The following PLK3 variants were observed in gnomAD, a reference collection of about 807,000 sequenced individuals.
The protein encoded by PLK3 is polo like kinase 3.
Under a neutral mutation model 71.6 loss-of-function variants are expected in PLK3, and 41 were observed. That is an observed-to-expected ratio of 0.57 (90% CI 0.45 to 0.74). The LOEUF (loss-of-function observed/expected upper bound fraction) is 0.74. PLK3 is among the 30% of genes least tolerant of loss of function. The pLI is 0.00. For missense variants in PLK3, 791 were observed against 875.6 expected, an observed-to-expected ratio of 0.90 and a Z score of 1.22; for synonymous variants, 366 against 355.4, an observed-to-expected ratio of 1.03 and a Z score of -0.33.
chr1:44,802,080 T>G, intron 5 of PLK3, 148 bp downstream of exon 5: 1 of 671,972 alleles, frequency 1.5e-6, no homozygotes. Context: ...TGTGTGAAGG[T>G]GGAGGTGGCA....
chr1:44,801,201 GTC>G, intron 3 of PLK3, 49 bp downstream of exon 3: 9 of 563,834 alleles, frequency 1.6e-5, no homozygotes, highest in Admixed American at 3.2e-5. Flanking sequence ...AGAGAAGACA[GTC>G]TTTTTTTTTT....
intron 12 of PLK3, 27 bp from the exon 13 acceptor site, chr1:44,804,623 C>T (rs1323126229): frequency 6.2e-7 from 1 of 1,610,420 alleles, no homozygotes; most frequent in Non-Finnish European, 8.5e-7. Flanking sequence ...TGCAGGGCTC[C>T]CTCTGACCTC....
rs780263122 is a variant in PLK3 at position 44,801,088 on chromosome 1, G to A, written c.371G>A (p.Arg124His). ...HRDLQHRHIV[R>H]FSHHFEDADN... ...GACCTGCAGCACCGCCACATCGTGC[G>A]TTTTTCGCACCACTTTGAGGACGCT... is the stretch of plus-strand genomic sequence containing the variant. Residue 124 changes from arginine (R) to histidine (H), a missense_variant, in exon 3 of 15, where the codon CGT becomes CAT. Transcript: ENST00000372201. 1.2e-6 allele frequency: 2 copies of A among 1,613,628 alleles called. No homozygotes were observed. Among genetic ancestry groups the A allele is most frequent in the Non-Finnish European group, 1.7e-6 (2 of 1,179,926 alleles).
At position 44,801,024 on chromosome 1, in the gene PLK3, C is replaced by T. The variant is rs768832541; in HGVS notation, c.319-12C>T. ...ACCATGGAAGGATGACGACTCCGCG[C>T]CCTCATCGCAGATCCTAAATGAGAT... On this transcript the variant is annotated splice_polypyrimidine_tract_variant and intron_variant, in intron 2 of 14. Transcript: ENST00000372201. 2.5e-6 allele frequency: 4 copies of T among 1,609,586 alleles called. No individual in the cohort carries two copies. In the East Asian group the frequency reaches 6.7e-5, roughly 27 times the overall value.
chr1:44,802,691 TG>T, intron 5 of PLK3, 68 bp from the exon 6 acceptor site: 1 of 1,042,446 alleles, frequency 9.6e-7, no homozygotes, highest in Non-Finnish European at 1.5e-6. Context: ...GGACTAACAG[TG>T]GGGGAAGGAG....
chr1:44,804,284 G>T lies in PLK3; in HGVS notation c.1342+38G>T, dbSNP rs756507674. On this transcript the variant is annotated intron_variant, in intron 11 of 14. Coordinates refer to ENST00000372201, the MANE Select transcript of PLK3 (RefSeq NM_004073.4). ...TCTGGTACATGCTGCTGTGGTGGGA[G>T]TTCTGTGGCTGGGAGGCCAGGAGCA... 16 of 1,613,166 alleles carry T rather than the reference G, an allele frequency of 9.9e-6. No homozygotes were observed. In the Admixed American group the frequency reaches 1.2e-4, roughly 12 times the overall value.
Position 44,803,814 on chromosome 1 carries a change from A to T in PLK3, c.1165-117A>T. On this transcript the variant is annotated intron_variant, in intron 9 of 14. Transcript: ENST00000372201. This position sits in a 1 kb window ranked among gnomAD's most constrained non-coding sequence, Gnocchi z 4.3. The stretch of plus-strand genomic sequence containing the variant: ...GTGGTGGCCTAATTGGCTGTGTGTC[A>T]CCAGCCTGGCGGGGCTGACCTGGGG... The T allele has an allele frequency of 8.9e-7, 1 of 1,119,674 alleles. No individual in the cohort carries two copies. The highest frequency in any genetic ancestry group is 1.3e-6 in the Non-Finnish European group (1 of 755,958). 69.4% of individuals were successfully genotyped at this position (1,119,674 alleles called of 1,614,324 possible).
rs781630730 is a variant in PLK3 at position 44,804,179 on chromosome 1, G to T, written c.1275G>T (p.Leu425=). The change falls in exon 11 of 15, where the codon CTG becomes CTT. Residue 425 remains leucine, a synonymous_variant. Transcript: ENST00000372201. ...CTCCTTCAGGATTTGAAGAAGGTCT[G>T]ACTGTGGCCACAGTAGTGGAGTCAG... is the stretch of plus-strand genomic sequence containing the variant. ...ASSGDGFEEG[L]TVATVVESAL... 6.2e-7 allele frequency: 1 copy of T among 1,613,850 alleles called. No homozygotes were observed. The highest frequency in any genetic ancestry group is 1.1e-5 in the South Asian group (1 of 91,058).
chr1:44,801,830 T>A lies in PLK3; in HGVS notation c.566-15T>A, dbSNP rs368138414. 2 of 1,612,706 alleles carry A rather than the reference T, an allele frequency of 1.2e-6. No individual in the cohort carries two copies. Among genetic ancestry groups the A allele is most frequent in the South Asian group, 2.2e-5 (2 of 90,922 alleles). On this transcript the variant is annotated splice_polypyrimidine_tract_variant and intron_variant, in intron 4 of 14. Coordinates refer to ENST00000372201, the MANE Select transcript of PLK3 (RefSeq NM_004073.4). ...GGAAGGAAAGAATCTGACACACCTC[T>A]CTTGCCCCATCTAGGAAATTTTTTC...
chr1:44,801,956 T>G, intron 5 of PLK3, 24 bp downstream of exon 5: 1 of 1,543,282 alleles, frequency 6.5e-7, no homozygotes, highest in Non-Finnish European at 8.9e-7. Flanking sequence ...AAAGGGGCCC[T>G]GTGTGTGATA....
rs149994530 is a variant in PLK3, at chr1:44,803,646, C to T, written c.1119C>T (p.Ser373=). The change falls in exon 9 of 15, where the codon AGC becomes AGT. Residue 373 remains serine, a synonymous_variant. Transcript: ENST00000372201. This position sits in a 1 kb window ranked among gnomAD's most constrained non-coding sequence, Gnocchi z 4.3. The part of the protein sequence containing the change: ...QERDEVSGLV[S]GLMRTSVGHQ... ...GGGATGAGGTCTCCGGTTTGGTGAG[C>T]GGCCTCATGCGCACATCCGTTGGCC... is the stretch of plus-strand genomic sequence containing the variant. The T allele has an allele frequency of 9.9e-6, 16 of 1,613,776 alleles. No individual in the cohort carries two copies. Among genetic ancestry groups the T allele is most frequent in the Admixed American group, 6.7e-5 (4 of 59,968 alleles).
intron 5 of PLK3, 124 bp downstream of exon 5, chr1:44,802,056 G>A: frequency 1.4e-6 from 1 of 740,322 alleles, no homozygotes; most frequent in South Asian, 1.8e-5. Flanking sequence ...AAGGGATGAT[G>A]GGCTGTTCAT....
intron 4 of PLK3, 44 bp from the exon 5 acceptor site, chr1:44,801,801 G>A: frequency 6.2e-7 from 1 of 1,604,786 alleles, no homozygotes; most frequent in Non-Finnish European, 8.5e-7. Context: ...GAGGGAGGGA[G>A]GGAGGAAGGA....
chr1:44,800,654 A>G lies in PLK3; in HGVS notation c.191A>G (p.Lys64Arg), dbSNP rs1651796018. Reference protein sequence around the residue: ...TDPRSGRTYLKGRLLGKGGFA... With the variant: ...TDPRSGRTYLRGRLLGKGGFA... ...CCGCGCAGCGGCCGCACCTACCTCA[A>G]AGGCCGCTTGTTGGGCAAGGTGGGC... Residue 64 changes from lysine to arginine, a missense_variant, in exon 1 of 15, where the codon AAA (lysine) becomes AGA (arginine). Transcript: ENST00000372201. This position sits in a 1 kb window ranked among gnomAD's most constrained non-coding sequence, Gnocchi z 6.5. 1.3e-6 allele frequency: 2 copies of G among 1,550,186 alleles called. No homozygotes were observed. Among genetic ancestry groups the G allele is most frequent in the East Asian group, 4.8e-5 (2 of 41,436 alleles).
At position 44,804,320 on chromosome 1, in the gene PLK3, CCCT is replaced by C. The variant is rs780842185; in HGVS notation, c.1343-14_1343-12del. 1 of 1,613,872 alleles carries C rather than the reference CCCT, an allele frequency of 6.2e-7. No individual in the cohort carries two copies. The highest frequency in any genetic ancestry group is 1.7e-5 in the Admixed American group (1 of 60,008). Reference sequence around the variant, plus strand: ...GGGAGGCCAGGAGCAGGTGCTGACTCCCTCCTCTCCCATGACAGCGGAACAGAA... The same window carrying C: ...GGGAGGCCAGGAGCAGGTGCTGACTCCCTCTCCCATGACAGCGGAACAGAA... On this transcript the variant is annotated splice_polypyrimidine_tract_variant and intron_variant, in intron 11 of 14. Transcript: ENST00000372201.
chr1:44,802,023 G>C, intron 5 of PLK3, 91 bp downstream of exon 5: 2 of 938,048 alleles, frequency 2.1e-6, no homozygotes, highest in Admixed American at 2.1e-5. Flanking sequence ...GTGACTGCCT[G>C]ATGTGTGCAT....
rs778851326 is a variant in PLK3, at chr1:44,804,765, CA to C, written c.1622del (p.Gln541ArgfsTer4). On this transcript the variant is annotated frameshift_variant, in exon 13 of 15. Transcript: ENST00000372201. LOFTEE classifies it high-confidence loss of function. Reference protein sequence around the residue: ...ILRYFASYMEQHLMKGGDLPS... With the variant: ...ILRYFASYMEXHLMKGGDLPS... ...GCGGTACTTCGCCTCCTACATGGAG[CA>C]GCACCTCATGAAGGTGTGAGGGCTG... is the stretch of plus-strand genomic sequence containing the variant. 1 of 1,613,982 alleles carries C rather than the reference CA, an allele frequency of 6.2e-7. No individual in the cohort carries two copies. The highest frequency in any genetic ancestry group is 8.5e-7 in the Non-Finnish European group (1 of 1,179,894).
Position 44,800,849 on chromosome 1 carries a change from G to A in PLK3, c.220G>A (p.Ala74Thr), listed in dbSNP as rs772182902. ...TGCCCCCTCTTCACAGGGGGGCTTC[G>A]CCCGCTGCTACGAGGCCACTGACAC... is the stretch of plus-strand genomic sequence containing the variant. The part of the protein sequence containing the change: ...KGRLLGKGGF[A>T]RCYEATDTET... The change falls in exon 2 of 15, where the codon GCC (alanine) becomes ACC (threonine). Residue 74 changes from alanine (A) to threonine (T), a missense_variant. Coordinates refer to ENST00000372201, the MANE Select transcript of PLK3 (RefSeq NM_004073.4). This position sits in a 1 kb window ranked among gnomAD's most constrained non-coding sequence, Gnocchi z 6.5. The A allele has an allele frequency of 1.2e-6, 2 of 1,609,552 alleles. No homozygotes were observed. The highest frequency in any genetic ancestry group is 1.7e-6 in the Non-Finnish European group (2 of 1,179,236).
chr1:44,805,769 GC>G lies in PLK3; in HGVS notation c.*92del. The G allele has an allele frequency of 7.1e-7, 1 of 1,401,404 alleles. No homozygotes were observed. Among genetic ancestry groups the G allele is most frequent in the Non-Finnish European group, 9.7e-7 (1 of 1,035,760 alleles). 86.8% of individuals were successfully genotyped at this position (1,401,404 alleles called of 1,614,324 possible). On this transcript the variant is annotated 3_prime_UTR_variant, in exon 15 of 15. Transcript: ENST00000372201. The stretch of plus-strand genomic sequence containing the variant: ...CCCTTCCTTTGGTGCCTCACTGGGG[GC>G]TTTGGGCCGAATCCCCCAGGGAATC...
Sources: allele counts gnomAD v4.1 joint callset, GRCh38; gene constraint gnomAD v4.1.1; non-coding constraint Gnocchi (gnomAD v3.1); transcripts MANE v1.5; gene names NCBI Gene and HGNC (gene_info 2026-07-23, HGNC 2026-07-21).